The following BLZF1 variants were observed in gnomAD, a reference collection of about 807,000 sequenced individuals.
BLZF1 encodes basic leucine zipper nuclear factor 1, also known as golgin-45.
In BLZF1, 39 loss-of-function variants were observed where a neutral mutation model predicts 43.8. The observed-to-expected ratio is 0.89, with a 90% CI of 0.69 to 1.16. BLZF1 has a LOEUF of 1.16. BLZF1 is among the 50% of genes most tolerant of loss of function. BLZF1 has a pLI of 0.00. For missense variants in BLZF1, 449 were observed against 469.8 expected (o/e 0.96, Z 0.41); for synonymous variants, 136 against 159.4 (o/e 0.85, Z 1.11).
chr1:169,396,229 G>GT (rs981255916), exon 8 of BLZF1: 16 of 152,114 alleles, frequency 1.1e-4, no homozygotes, highest in African/African-American at 3.1e-4. Flanking sequence ...CACATTTACT[G>GT]TTTCTGTTAT....
chr1:169,381,577 C>T (rs1287278205), intron 5 of BLZF1, among the ~76,000 whole-genome samples: 2 of 152,024 alleles, frequency 1.3e-5, no homozygotes, highest in Non-Finnish European at 2.9e-5. Context: ...AACCATTAGC[C>T]AAAACCCACC....
intron 7 of BLZF1, among the ~76,000 whole-genome samples, chr1:169,393,325 C>A (rs1268134019): frequency 6.6e-6 from 1 of 151,964 alleles, no homozygotes; most frequent in Admixed American, 6.5e-5. Context: ...CAGTGACTTA[C>A]ACCTGTAATC....
chr1:169,373,084 G>T (rs1654179311), intron 2 of BLZF1, among the ~76,000 whole-genome samples: 1 of 151,906 alleles, frequency 6.6e-6, no homozygotes, highest in Non-Finnish European at 1.5e-5. Flanking sequence ...GGTTCACAAA[G>T]CCTAAAATAT....
chr1:169,373,209 G>A (rs1654183159), intron 2 of BLZF1, among the ~76,000 whole-genome samples: 1 of 152,114 alleles, frequency 6.6e-6, no homozygotes, highest in African/African-American at 2.4e-5. Context: ...CAATACGAAT[G>A]AGCAAACCTT....
chr1:169,385,588 C>T (rs1654642930), intron 6 of BLZF1, among the ~76,000 whole-genome samples: 1 of 152,212 alleles, frequency 6.6e-6, no homozygotes. Flanking sequence ...TATTTGAGAA[C>T]TTATTTTCTC....
In BLZF1 at chr1:169,387,158, C is replaced by T; in HGVS notation, c.1179C>T (p.Cys393=). 9 of 1,613,092 alleles carry T rather than the reference C, an allele frequency of 5.6e-6. No homozygotes were observed. Among genetic ancestry groups the T allele is most frequent in the Non-Finnish European group, 7.6e-6 (9 of 1,179,742 alleles). The change falls in exon 7 of 7, where the codon TGC becomes TGT. Residue 393 remains cysteine (C), a synonymous_variant. Transcript: ENST00000367808. ...TAACTTTCAATTGCTGCAATCACTG[C>T]CGGGGAGAACTGATTGCCCTTTAAC... ...ENITFNCCNH[C]RGELIAL
chr1:169,381,308 A>C (rs964035962), intron 5 of BLZF1, among the ~76,000 whole-genome samples: 4 of 152,138 alleles, frequency 2.6e-5, no homozygotes, highest in African/African-American at 9.7e-5. Context: ...AACTCCATGA[A>C]AGACAAACTA....
chr1:169,391,449 C>G (rs1654812874), downstream of BLZF1, among the ~76,000 whole-genome samples: 2 of 152,178 alleles, frequency 1.3e-5, no homozygotes, highest in Admixed American at 6.5e-5. Context: ...CCATTCCAGT[C>G]TCTCCTGGCT....
intron 5 of BLZF1, 134 bp downstream of exon 5, chr1:169,380,743 T>C: frequency 1.1e-6 from 1 of 947,416 alleles, no homozygotes; most frequent in Non-Finnish European, 1.5e-6. Flanking sequence ...CATATACTTT[T>C]AGTAGCATTT....
intron 2 of BLZF1, among the ~76,000 whole-genome samples, chr1:169,373,418 T>G (rs12026287): frequency 0.53 from 81,165 of 151,960 alleles, 22,508 homozygotes; most frequent in Non-Finnish European, 0.6. Context: ...TAATTATTCG[T>G]AAATGTGTCC....
rs181469991 is a variant in BLZF1, at chr1:169,393,749, A to G, written c.*28-2145A>G. Among the ~76,000 whole-genome samples the G allele has an allele frequency of 3.4e-3, 522 of 151,964 alleles. 1 individual carries two copies. Among genetic ancestry groups the G allele is most frequent in the Non-Finnish European group, 5.4e-3 (365 of 67,936 alleles). On this transcript the variant is annotated intron_variant, in intron 7 of 7. Transcript: ENST00000329281. Reference sequence around the variant, plus strand: ...CCTGAGTAGCTGGGACTACAGGTGCATGGCACCATGCCCAACTAATTTTTG... The same window carrying G: ...CCTGAGTAGCTGGGACTACAGGTGCGTGGCACCATGCCCAACTAATTTTTG...
chr1:169,382,413 T>G, intron 6 of BLZF1, 132 bp downstream of exon 6: 1 of 725,382 alleles, frequency 1.4e-6, no homozygotes, highest in South Asian at 1.9e-5. Context: ...CTATTGAGTG[T>G]GTTATCTTGG....
intron 2 of BLZF1, among the ~76,000 whole-genome samples, chr1:169,372,023 T>A (rs3766096): frequency 6.6e-6 from 1 of 151,960 alleles, no homozygotes; most frequent in African/African-American, 2.4e-5. Flanking sequence ...TGAAACTCTG[T>A]AGAGATGCAG....
At chr1:169,392,177 A>C (rs1654829439), downstream of BLZF1, among the ~76,000 whole-genome samples, 1 of 149,040 alleles carries the variant, frequency 6.7e-6, no homozygotes, top group South Asian at 2.2e-4. Context: ...TACCCAAAGC[A>C]GTCTACAGAT....
chr1:169,381,195 A>C (rs908801698), intron 5 of BLZF1, among the ~76,000 whole-genome samples: 2 of 151,356 alleles, frequency 1.3e-5, no homozygotes, highest in African/African-American at 4.9e-5. Context: ...TCAGGAATGA[A>C]GGGGGGGGTA....
In BLZF1 at chr1:169,376,752, A is replaced by G. The variant is rs1396159792; in HGVS notation, c.241A>G (p.Ile81Val). Residue 81 changes from isoleucine (I) to valine (V), a missense_variant, in exon 3 of 7, where the codon ATA (isoleucine) becomes GTA (valine). By Grantham distance (29) the Ile-to-Val change is conservative. Coordinates refer to ENST00000367808, the MANE Select transcript of BLZF1 (RefSeq NM_001320973.2). The stretch of plus-strand genomic sequence containing the variant: ...AGCAATGGAAGTTAAAGCTGTAAGA[A>G]TATTAGTTCCCAAAGCTGCTATAAC... ...EKAMEVKAVR[I>V]LVPKAAITHD... The G allele has an allele frequency of 6.2e-7, 1 of 1,613,372 alleles. No homozygotes were observed. The highest frequency in any genetic ancestry group is 1.7e-5 in the Admixed American group (1 of 59,898).
At chr1:169,369,371 A>G (rs1654025377) in intron 1 of BLZF1, 102 bp from the exon 2 acceptor site, 1 of 575,862 alleles carries the variant, frequency 1.7e-6, no homozygotes, top group Non-Finnish European at 3.0e-6. Flanking sequence ...ATGCATGCGT[A>G]CTAAATACAG....
intron 2 of BLZF1, among the ~76,000 whole-genome samples, chr1:169,370,129 C>T (rs1189816468): frequency 6.6e-6 from 1 of 152,198 alleles, no homozygotes; most frequent in East Asian, 1.9e-4. Flanking sequence ...CCCTTATCTC[C>T]GCCTTCATAT....
At chr1:169,375,393 CAT>C (rs58679820) in intron 2 of BLZF1, among the ~76,000 whole-genome samples, 6,611 of 85,070 alleles carry the variant, frequency 0.078, 290 homozygotes, top group Non-Finnish European at 0.099. Flanking sequence ...ATATATAAAA[CAT>C]ATATATATAT....
Sources: allele counts gnomAD v4.1 joint callset (sites outside exome capture counted in the v4.1 genomes callset), GRCh38; gene constraint gnomAD v4.1.1; transcripts MANE v1.5; gene names NCBI Gene and HGNC (gene_info 2026-07-23, HGNC 2026-07-21).